The following GKN1 variants were observed in gnomAD, a reference collection of about 807,000 sequenced individuals.
GKN1 encodes gastrokine-1.
A neutral mutation model predicts 19.7 loss-of-function variants in GKN1; 17 were observed. The ratio of observed to expected loss-of-function variants is 0.86; its 90% CI spans 0.59 to 1.29. The LOEUF (loss-of-function observed/expected upper bound fraction) is 1.29, where lower values mean the gene tolerates loss of function less well. Among genes scored for constraint, GKN1 ranks in the 50% most tolerant of loss-of-function variants. The probability of loss-of-function intolerance (pLI) is 0.00; values close to 1 mark genes in which losing one functional copy is unlikely to be tolerated. For synonymous variants in GKN1, 96 were observed against 78.3 expected (o/e 1.23, Z -1.20); for missense variants, 218 against 224.5 (o/e 0.97, Z 0.19).
At chr2:68,976,256 T>C (rs1284365343) in intron 1 of GKN1, among the ~76,000 whole-genome samples, 12 of 152,298 alleles carry the variant, frequency 7.9e-5, no homozygotes, top group African/African-American at 1.9e-4. Flanking sequence ...TTAGCACTTA[T>C]AGCCATCTCA....
intron 3 of GKN1, among the ~76,000 whole-genome samples, chr2:68,978,659 T>C (rs1278627958): frequency 6.6e-6 from 1 of 152,178 alleles, no homozygotes; most frequent in Non-Finnish European, 1.5e-5. Context: ...GCAAACCAGT[T>C]AGATGCTCAG....
chr2:68,976,190 G>A (rs1277417385), intron 1 of GKN1, among the ~76,000 whole-genome samples: 1 of 152,000 alleles, frequency 6.6e-6, no homozygotes, highest in Non-Finnish European at 1.5e-5. Context: ...CTATTAGGAA[G>A]AAAACATCCC....
At chr2:68,978,320 AAAG>A (rs1027197797) in intron 3 of GKN1, among the ~76,000 whole-genome samples, 6 of 136,822 alleles carry the variant, frequency 4.4e-5, no homozygotes, top group Non-Finnish European at 9.1e-5. Flanking sequence ...GAAAAAGAAA[AAAG>A]AGAGAAAGAG....
At chr2:68,979,640 C>G (rs1052574738) in intron 4 of GKN1, among the ~76,000 whole-genome samples, 1 of 152,142 alleles carries the variant, frequency 6.6e-6, no homozygotes, top group Non-Finnish European at 1.5e-5. Context: ...TCTATGATGA[C>G]CAAATGAGGT....
chr2:68,975,892 A>G (rs1670256497), intron 1 of GKN1, among the ~76,000 whole-genome samples: 1 of 152,290 alleles, frequency 6.6e-6, no homozygotes, highest in African/African-American at 2.4e-5. Flanking sequence ...TTCAAAAGTT[A>G]CCTTGAATCT....
chr2:68,979,071 A>G, intron 4 of GKN1, 90 bp downstream of exon 4: 1 of 696,522 alleles, frequency 1.4e-6, no homozygotes, highest in Non-Finnish European at 2.6e-6. Flanking sequence ...TTCCCTCTTG[A>G]CTACAGTATG....
At chr2:68,975,523 G>A (rs1337641528) in intron 1 of GKN1, among the ~76,000 whole-genome samples, 1 of 152,140 alleles carries the variant, frequency 6.6e-6, no homozygotes, top group African/African-American at 2.4e-5. Context: ...GCTAGAATCA[G>A]ATGACTATTT....
chr2:68,979,949 G>A lies in GKN1; in HGVS notation c.352G>A (p.Gly118Ser). The change falls in exon 5 of 6, where the codon GGC becomes AGC. Residue 118 changes from glycine to serine, a missense_variant. Transcript: ENST00000377938. ...GKGPGGPPPK[G>S]LMYSVNPNKV... is the part of the protein sequence containing the mutation. ...GGGACCAGGAGGACCACCTCCCAAG[G>A]GCCTGATGTACTCAGTCAACCCAAA... 1 of 1,613,432 alleles carries A rather than the reference G, an allele frequency of 6.2e-7. No homozygotes were observed. The highest frequency in any genetic ancestry group is 8.5e-7 in the Non-Finnish European group (1 of 1,179,420).
At position 68,980,888 on chromosome 2, in the gene GKN1, C is replaced by T. The variant is rs563513924; in HGVS notation, c.*65C>T. ...ATGCTGTGCAGAAAAAATATGGGCT[C>T]CAGTGGTTTTTACCATGTCATTCTG... is the stretch of plus-strand genomic sequence containing the variant. On this transcript the variant is annotated 3_prime_UTR_variant, in exon 6 of 6. Coordinates refer to ENST00000377938, the MANE Select transcript of GKN1 (RefSeq NM_019617.4). 1 of 807,108 alleles carries T rather than the reference C, an allele frequency of 1.2e-6. No homozygotes were observed. The highest frequency in any genetic ancestry group is 2.4e-5 in the East Asian group (1 of 40,966). The allele number at this position is 807,108 out of a possible 1,614,324, so 50.0% of individuals were successfully genotyped here.
Position 68,974,673 on chromosome 2 carries a change from A to G in GKN1, c.-5A>G. 6.3e-7 allele frequency: 1 copy of G among 1,599,490 alleles called. No homozygotes were observed. The highest frequency in any genetic ancestry group is 2.2e-5 in the East Asian group (1 of 44,820). ...TCCTCTGTCCACTGCTTTCGTGAAG[A>G]CAAGATGAAGTTCACAGTGAGTAGA... On this transcript the variant is annotated 5_prime_UTR_variant, in exon 1 of 6. Coordinates refer to ENST00000377938, the MANE Select transcript of GKN1 (RefSeq NM_019617.4).
chr2:68,979,087 G>C (rs1015057453), intron 4 of GKN1, 106 bp downstream of exon 4: 8 of 640,562 alleles, frequency 1.2e-5, no homozygotes, highest in Admixed American at 1.1e-4. Flanking sequence ...GTATGTTGTA[G>C]TGTGCAGCAC....
intron 3 of GKN1, among the ~76,000 whole-genome samples, chr2:68,978,370 G>A (rs1347963901): frequency 6.6e-6 from 1 of 151,758 alleles, no homozygotes; most frequent in African/African-American, 2.4e-5. Context: ...GAAAAGAGAA[G>A]CAAAGAAAGA....
chr2:68,978,259 AGAAG>A (rs368946545), intron 3 of GKN1: 5 of 125,052 alleles, frequency 4.0e-5, no homozygotes, highest in African/African-American at 7.3e-5. Context: ...AAAGAAAGAA[AGAAG>A]GAAGGAAGGA....
chr2:68,978,841 T>C (rs778295117), intron 3 of GKN1, 30 bp from the exon 4 acceptor site: 3 of 1,208,008 alleles, frequency 2.5e-6, no homozygotes, highest in South Asian at 2.5e-5. Context: ...GGAGAACACA[T>C]GCCTCACTAT....
chr2:68,976,750 C>A (rs961819386), intron 1 of GKN1, among the ~76,000 whole-genome samples: 1 of 152,072 alleles, frequency 6.6e-6, no homozygotes, highest in Non-Finnish European at 1.5e-5. Flanking sequence ...TTAACTATAG[C>A]TGAGTTTATC....
At chr2:68,976,359 A>G (rs558040326) in intron 1 of GKN1, among the ~76,000 whole-genome samples, 1 of 152,284 alleles carries the variant, frequency 6.6e-6, no homozygotes, top group African/African-American at 2.4e-5. Context: ...TTAAAACAGT[A>G]ACTTTCTTAT....
chr2:68,974,719 A>C, intron 1 of GKN1, 30 bp downstream of exon 1: 1 of 1,360,048 alleles, frequency 7.4e-7, no homozygotes. Flanking sequence ...TGAATTTACC[A>C]CCAAATGATT....
chr2:68,976,371 T>C (rs112637423), intron 1 of GKN1, among the ~76,000 whole-genome samples: 1 of 152,200 alleles, frequency 6.6e-6, no homozygotes, highest in Admixed American at 6.6e-5. Flanking sequence ...CTTTCTTATA[T>C]TGGGGCACTG....
In GKN1 at chr2:68,980,074, CT is replaced by C; in HGVS notation, c.463+15del. The C allele has an allele frequency of 6.2e-7, 1 of 1,609,254 alleles. No individual in the cohort carries two copies. On this transcript the variant is annotated intron_variant, in intron 5 of 5. Coordinates refer to ENST00000377938, the MANE Select transcript of GKN1 (RefSeq NM_019617.4). ...AGGAGATGCAAGGTGAGTAGCATCC[CT>C]ACTGTGCACCCCAAGTTAGTGCTGG...
Sources: allele counts gnomAD v4.1 joint callset (sites outside exome capture counted in the v4.1 genomes callset), GRCh38; gene constraint gnomAD v4.1.1; transcripts MANE v1.5; gene names NCBI Gene and HGNC (gene_info 2026-07-23, HGNC 2026-07-21).